Variants in NOS2 observed in about 807,000 individuals in gnomAD.
NOS2 encodes nitric oxide synthase, inducible.
In NOS2, 96 loss-of-function variants were observed where a neutral mutation model predicts 136.0. The observed-to-expected ratio is 0.71, with a 90% CI of 0.60 to 0.84. The LOEUF (loss-of-function observed/expected upper bound fraction) is 0.84, where lower values mean the gene tolerates loss of function less well. Among genes scored for constraint, NOS2 ranks in the 40% least tolerant of loss-of-function variants. The pLI, the probability that NOS2 is intolerant of heterozygous loss-of-function variation, is 0.00. For missense variants in NOS2, 1,237 were observed against 1,496.9 expected, an observed-to-expected ratio of 0.83 and a Z score of 2.87; for synonymous variants, 539 against 587.5, an observed-to-expected ratio of 0.92 and a Z score of 1.20.
intron 2 of NOS2, among the ~76,000 whole-genome samples, chr17:27,790,413 G>T (rs1334661534): frequency 2.0e-5 from 3 of 152,148 alleles, no homozygotes; most frequent in Non-Finnish European, 4.4e-5. Flanking sequence ...TGTTTTTCAT[G>T]ACTTAAGCTT....
chr17:27,767,148 T>C (rs1445298009), intron 18 of NOS2, among the ~76,000 whole-genome samples: 8 of 152,112 alleles, frequency 5.3e-5, no homozygotes, highest in South Asian at 2.1e-4. Context: ...CAGGAGAGCA[T>C]TGTTGACATT....
intron 12 of NOS2, 34 bp from the exon 13 acceptor site, chr17:27,773,277 G>T: frequency 4.5e-6 from 7 of 1,543,262 alleles, no homozygotes; most frequent in Non-Finnish European, 6.3e-6. Flanking sequence ...AGGGCAGGGC[G>T]GGGTCCTGGC....
Position 27,782,079 on chromosome 17 carries a change from C to G in NOS2, c.658G>C (p.Ala220Pro). 6.2e-7 allele frequency: 1 copy of G among 1,614,136 alleles called. No homozygotes were observed. The highest frequency in any genetic ancestry group is 1.3e-5 in the African/African-American group (1 of 75,038). ...QVFDARSCST[A>P]REMFEHICRH... is the part of the protein sequence containing the mutation. ...CAGATGTGTTCAAACATTTCCCGGG[C>G]AGTGGAACAGCTGCGGGCATCGAAG... The change falls in exon 7 of 27, where the codon GCC becomes CCC. Residue 220 changes from alanine (A) to proline (P), a missense_variant. Around this residue, in one of 3 missense-constraint regions of NOS2, gnomAD observed 440 missense variants for 545.4 expected, o/e 0.81. Transcript: ENST00000313735.
intron 15 of NOS2, among the ~76,000 whole-genome samples, 189 bp from the exon 16 acceptor site, chr17:27,769,773 T>C (rs1449178448): frequency 6.6e-6 from 1 of 152,196 alleles, no homozygotes. Flanking sequence ...TGTCTCTCAC[T>C]CCAACTAAAC....
chr17:27,772,699 G>C (rs1279920825), intron 13 of NOS2, among the ~76,000 whole-genome samples: 1 of 152,178 alleles, frequency 6.6e-6, no homozygotes, highest in African/African-American at 2.4e-5. Context: ...GGGACCCTTG[G>C]AATTGGCGAC....
intron 2 of NOS2, among the ~76,000 whole-genome samples, chr17:27,794,813 T>C (rs963531353): frequency 6.6e-6 from 1 of 152,116 alleles, no homozygotes. Flanking sequence ...GGCTCTTGGT[T>C]TCATGACACC....
chr17:27,760,276 T>A, intron 24 of NOS2, 98 bp from the exon 25 acceptor site: 1 of 1,245,094 alleles, frequency 8.0e-7, no homozygotes. Flanking sequence ...ACTAGCTATT[T>A]AATAGCATTA....
chr17:27,769,448 C>T, intron 16 of NOS2, 87 bp downstream of exon 16: 2 of 1,141,706 alleles, frequency 1.8e-6, no homozygotes, highest in Non-Finnish European at 2.7e-6. Context: ...TGAGAAGACC[C>T]CCTGTGCACA....
At chr17:27,789,367 G>A (rs1909120030) in intron 3 of NOS2, among the ~76,000 whole-genome samples, 1 of 152,164 alleles carries the variant, frequency 6.6e-6, no homozygotes, top group African/African-American at 2.4e-5. Context: ...GGAGATAGAA[G>A]CTAGCTGTCA....
chr17:27,780,519 C>G (rs1442003810), intron 9 of NOS2, among the ~76,000 whole-genome samples: 1 of 152,184 alleles, frequency 6.6e-6, no homozygotes, highest in Non-Finnish European at 1.5e-5. Flanking sequence ...CTCCTGGGGC[C>G]CCATCCGCCT....
intron 3 of NOS2, among the ~76,000 whole-genome samples, chr17:27,789,361 A>G (rs902282421): frequency 3.3e-5 from 5 of 152,130 alleles, no homozygotes; most frequent in African/African-American, 1.2e-4. Context: ...AACCCAGGAG[A>G]TAGAAGCTAG....
In NOS2 at chr17:27,788,876, T is replaced by C; in HGVS notation, c.251A>G (p.His84Arg). The C allele has an allele frequency of 6.2e-7, 1 of 1,614,148 alleles. No individual in the cohort carries two copies. Among genetic ancestry groups the C allele is most frequent in the Non-Finnish European group, 8.5e-7 (1 of 1,179,974 alleles). ...LDATPLSSPR[H>R]VRIKNWGSGM... Reference sequence around the variant, plus strand: ...GCTGCCCCAGTTTTTGATCCTCACATGCCGTGGGGAGGACAATGGGGTTGC... The same window carrying C: ...GCTGCCCCAGTTTTTGATCCTCACACGCCGTGGGGAGGACAATGGGGTTGC... Residue 84 changes from histidine to arginine, a missense_variant, in exon 4 of 27, where the codon CAT becomes CGT. Coordinates refer to ENST00000313735, the MANE Select transcript of NOS2 (RefSeq NM_000625.4).
At chr17:27,796,687 G>A (rs1012251492) in intron 2 of NOS2, among the ~76,000 whole-genome samples, 4 of 152,244 alleles carry the variant, frequency 2.6e-5, no homozygotes, top group Admixed American at 6.5e-5. Context: ...GAATAGGGGC[G>A]TGACTTGCTA....
In NOS2 at chr17:27,774,421, A is replaced by AGTGGTGGTCC; in HGVS notation, c.1302_1311dup (p.Ser438GlyfsTer16). 4 of 1,526,364 alleles carry AGTGGTGGTCC rather than the reference A, an allele frequency of 2.6e-6. No homozygotes were observed. Among genetic ancestry groups the AGTGGTGGTCC allele is most frequent in the Non-Finnish European group, 3.5e-6 (4 of 1,134,976 alleles). The allele number at this position is 1,526,364 out of a possible 1,614,324, so 94.6% of individuals were successfully genotyped here. A position where few individuals can be genotyped will look rare whatever the true frequency, so the allele number is the denominator to read the frequency against. ...TACTTCATGAAGGATTCTGCAGCCGAGTGGTGGTCCATGATGGTCACATTC... is the reference window on the plus strand; with the variant it reads ...TACTTCATGAAGGATTCTGCAGCCGAGTGGTGGTCCGTGGTGGTCCATGATGGTCACATTC... On this transcript the variant is annotated frameshift_variant, in exon 12 of 27. Coordinates refer to ENST00000313735, the MANE Select transcript of NOS2 (RefSeq NM_000625.4). LOFTEE classifies it high-confidence loss of function.
Position 27,769,100 on chromosome 17 carries a change from A to G in NOS2, c.1911T>C (p.Phe637=). 1 of 1,612,996 alleles carries G rather than the reference A, an allele frequency of 6.2e-7. No homozygotes were observed. Among genetic ancestry groups the G allele is most frequent in the South Asian group, 1.1e-5 (1 of 90,926 alleles). ...GSSMYPRFCA[F]AHDIDQKLSH... ...ACAGCTTCTGATCAATGTCATGAGCAAAGGCGCAGAACCGAGGGTACATGC... is the reference window on the plus strand; with the variant it reads ...ACAGCTTCTGATCAATGTCATGAGCGAAGGCGCAGAACCGAGGGTACATGC... The change falls in exon 17 of 27, where the codon TTT becomes TTC. Residue 637 remains phenylalanine, a synonymous_variant. Coordinates refer to ENST00000313735, the MANE Select transcript of NOS2 (RefSeq NM_000625.4).
At chr17:27,769,662 G>A in intron 15 of NOS2, 78 bp from the exon 16 acceptor site, 1 of 1,284,278 alleles carries the variant, frequency 7.8e-7, no homozygotes, top group South Asian at 1.2e-5. Flanking sequence ...CTGGAAACCT[G>A]GCCACAGCTT....
At chr17:27,774,049 G>A (rs1908584400) in intron 12 of NOS2, among the ~76,000 whole-genome samples, 2 of 152,196 alleles carry the variant, frequency 1.3e-5, no homozygotes, top group Admixed American at 1.3e-4. Flanking sequence ...GCCACTAGCG[G>A]TGCAGTGGAA....
intron 1 of NOS2, 29 bp from the exon 2 acceptor site, chr17:27,798,911 G>A (rs7359651): frequency 2.6e-6 from 2 of 773,608 alleles, no homozygotes; most frequent in South Asian, 1.5e-5. Flanking sequence ...GGTGAGGGAA[G>A]GTTGAAGAAG....
chr17:27,767,000 C>CAAAA (rs11428460), intron 18 of NOS2, among the ~76,000 whole-genome samples: 7 of 42,742 alleles, frequency 1.6e-4, no homozygotes, highest in Admixed American at 2.3e-4. Context: ...GACTCCGTCT[C>CAAAA]AAAAAAAAAA....
Sources: allele counts gnomAD v4.1 joint callset (sites outside exome capture counted in the v4.1 genomes callset), GRCh38; gene constraint gnomAD v4.1.1; regional missense constraint gnomAD v4.1.1; transcripts MANE v1.5; gene names NCBI Gene and HGNC (gene_info 2026-07-23, HGNC 2026-07-21).